Variants in MEI1 observed in about 807,000 individuals in gnomAD.
MEI1 encodes meiosis inhibitor protein 1.
In MEI1, 103 loss-of-function variants were observed where a neutral mutation model predicts 146.2. The observed-to-expected ratio is 0.70, with a 90% CI of 0.60 to 0.83. The LOEUF is 0.83. MEI1 is among the 40% of genes least tolerant of loss of function. The pLI, the probability that MEI1 is intolerant of heterozygous loss-of-function variation, is 0.00. For missense variants in MEI1, 1,529 were observed against 1,533.0 expected, an observed-to-expected ratio of 1.00 and a Z score of 0.04; for synonymous variants, 652 against 628.2, an observed-to-expected ratio of 1.04 and a Z score of -0.57.
chr22:41,712,458 A>G (rs1471772184), intron 3 of MEI1, among the ~76,000 whole-genome samples: 1 of 151,268 alleles, frequency 6.6e-6, no homozygotes, highest in Non-Finnish European at 1.5e-5. Flanking sequence ...GATGGTCTTG[A>G]TCTCCTGACC....
At chr22:41,755,363 A>G (rs1245134194) in intron 17 of MEI1, among the ~76,000 whole-genome samples, 2 of 152,144 alleles carry the variant, frequency 1.3e-5, no homozygotes, top group Non-Finnish European at 2.9e-5. Context: ...CCCAGACATC[A>G]TGCTGAGAGG....
intron 3 of MEI1, among the ~76,000 whole-genome samples, chr22:41,710,536 G>A (rs979077374): frequency 6.6e-6 from 1 of 152,152 alleles, no homozygotes; most frequent in Non-Finnish European, 1.5e-5. Flanking sequence ...TTTCAGAGTG[G>A]TGTCTTTCAG....
chr22:41,795,595 C>T lies in MEI1; in HGVS notation c.3666+53C>T. 6.2e-7 allele frequency: 1 copy of T among 1,609,678 alleles called. No individual in the cohort carries two copies. Among genetic ancestry groups the T allele is most frequent in the Non-Finnish European group, 8.5e-7 (1 of 1,177,206 alleles). Reference sequence around the variant, plus strand: ...CACTGTAAAGCTAGACCCTCAACACCATCTTCTCTTGGAGGGTGGGAGCTC... The same window carrying T: ...CACTGTAAAGCTAGACCCTCAACACTATCTTCTCTTGGAGGGTGGGAGCTC... On this transcript the variant is annotated intron_variant, in intron 29 of 30. Transcript: ENST00000401548. The surrounding 1 kb of genome is among the most constrained non-coding windows in gnomAD (Gnocchi z 4.2).
chr22:41,797,711 T>C (rs930796127), intron 30 of MEI1, among the ~76,000 whole-genome samples: 1 of 152,166 alleles, frequency 6.6e-6, no homozygotes, highest in Non-Finnish European at 1.5e-5. Context: ...CATATCTCAT[T>C]ATTATAGGCA....
chr22:41,699,945 G>C (rs114587044), intron 1 of MEI1, among the ~76,000 whole-genome samples: 2,566 of 152,304 alleles, frequency 0.017, 81 homozygotes, highest in African/African-American at 0.057. Context: ...CTGGCTCTGC[G>C]CCTGAAAGGA....
chr22:41,763,210 A>G lies in MEI1; in HGVS notation c.2157A>G (p.Gln719=), dbSNP rs1275961442. 1 of 1,613,792 alleles carries G rather than the reference A, an allele frequency of 6.2e-7. No individual in the cohort carries two copies. ...VSEAELFEAV[Q]SFLLSLQDQG... The stretch of plus-strand genomic sequence containing the variant: ...AGGCAGAGTTATTTGAGGCTGTGCA[A>G]AGCTTCCTCCTGTCGCTGCAGGACC... The change falls in exon 19 of 31, where the codon CAA becomes CAG. Residue 719 remains glutamine, a synonymous_variant. Transcript: ENST00000401548.
chr22:41,753,996 G>T lies in MEI1; in HGVS notation c.1901G>T (p.Cys634Phe). ...QVCSNFLYYM[C>F]LNLLSAPEKT... is the part of the protein sequence containing the mutation. ...TGTTCCAATTTCCTCTACTATATGT[G>T]CCTCAACCTTCTCTCAGCTCCAGAG... Residue 634 changes from cysteine (C) to phenylalanine (F), a missense_variant, in exon 17 of 31, where the codon TGC becomes TTC. By Grantham distance (205) the Cys-to-Phe change is radical. Coordinates refer to ENST00000401548, the MANE Select transcript of MEI1 (RefSeq NM_152513.4). 6.2e-7 allele frequency: 1 copy of T among 1,613,716 alleles called. No homozygotes were observed. The highest frequency in any genetic ancestry group is 8.5e-7 in the Non-Finnish European group (1 of 1,179,730).
chr22:41,765,818 A>C (rs2074808937), intron 19 of MEI1, among the ~76,000 whole-genome samples: 1 of 151,982 alleles, frequency 6.6e-6, no homozygotes, highest in Non-Finnish European at 1.5e-5. Context: ...AAGAAATTTA[A>C]CATTGTATAT....
chr22:41,763,293 G>A lies in MEI1; in HGVS notation c.2240G>A (p.Cys747Tyr), dbSNP rs199633553. The change falls in exon 19 of 31, where the codon TGC (cysteine) becomes TAC (tyrosine). Residue 747 changes from cysteine to tyrosine, a missense_variant. Cys to Tyr is a radical substitution (Grantham distance 194). Around this residue, in one of 3 missense-constraint regions of MEI1, gnomAD observed 1,212 missense variants for 1,178.9 expected, o/e 1.03. Coordinates refer to ENST00000401548, the MANE Select transcript of MEI1 (RefSeq NM_152513.4). ...FKASIYLLAI[C>Y]QDKDNTLRET... ...GCCTCCATCTATCTGCTTGCAATCT[G>A]CCAGGACAAAGACAATACACTACGT... 1 of 1,613,908 alleles carries A rather than the reference G, an allele frequency of 6.2e-7. No individual in the cohort carries two copies. The highest frequency in any genetic ancestry group is 1.1e-5 in the South Asian group (1 of 91,072).
In MEI1 at chr22:41,771,537, G is replaced by A. The variant is rs528482235; in HGVS notation, c.2544+576G>A. ...TGCAACCTCCACCTCCCGGGTTCAC[G>A]CAATTCTCCTGCCTCAGCCTCCCGA... On this transcript the variant is annotated intron_variant, in intron 20 of 30. Transcript: ENST00000401548. 5.3e-5 allele frequency among the ~76,000 whole-genome samples: 8 copies of A among 152,128 alleles called. No individual in the cohort carries two copies. In the East Asian group the frequency reaches 5.8e-4, roughly 11 times the overall value.
chr22:41,797,455 T>TA (rs2076403019), intron 30 of MEI1, among the ~76,000 whole-genome samples: 3 of 152,016 alleles, frequency 2.0e-5, no homozygotes, highest in African/African-American at 7.2e-5. Flanking sequence ...CTACTAAAAA[T>TA]ACAAAAATTA....
chr22:41,730,534 G>A lies in MEI1; in HGVS notation c.993G>A (p.Glu331=), dbSNP rs1230953684. The change falls in exon 9 of 31, where the codon GAG becomes GAA. Residue 331 remains glutamate, a synonymous_variant. Coordinates refer to ENST00000401548, the MANE Select transcript of MEI1 (RefSeq NM_152513.4). ...IHADIPEFLF[E]HLSSSSEVLV... ...CTCCCTTGTTAGAGTTCCTCTTTGA[G>A]CATCTTTCTTCTTCCAGTGAAGTGC... The A allele has an allele frequency of 6.2e-7, 1 of 1,612,806 alleles. No homozygotes were observed. The highest frequency in any genetic ancestry group is 1.1e-5 in the South Asian group (1 of 91,050).
intron 23 of MEI1, 67 bp downstream of exon 23, chr22:41,781,461 T>C: frequency 1.5e-6 from 2 of 1,369,604 alleles, no homozygotes; most frequent in South Asian, 2.5e-5. Flanking sequence ...ATCTCAACTT[T>C]TTCATCTTAA....
chr22:41,710,440 C>T (rs1425267630), intron 3 of MEI1, among the ~76,000 whole-genome samples: 3 of 152,132 alleles, frequency 2.0e-5, no homozygotes, highest in African/African-American at 2.4e-5. Context: ...GATTCTCTGA[C>T]CCATGTATTC....
rs962289436 is a variant in MEI1, at chr22:41,737,322, C to T, written c.1331+4719C>T. On this transcript the variant is annotated intron_variant, in intron 11 of 30. Transcript: ENST00000401548. ...CGCGATCTCGGCTCACTGCAAGCTC[C>T]GCCTCCTGGATTCACGCCATTCTCC... 4.0e-5 allele frequency among the ~76,000 whole-genome samples: 6 copies of T among 150,320 alleles called. No individual in the cohort carries two copies. In the East Asian group the frequency reaches 5.9e-4, roughly 15 times the overall value.
intron 4 of MEI1, among the ~76,000 whole-genome samples, chr22:41,715,023 T>C (rs1454831349): frequency 6.6e-6 from 1 of 152,248 alleles, no homozygotes; most frequent in East Asian, 1.9e-4. Context: ...TCATTATAAA[T>C]TATATTTCAA....
intron 7 of MEI1, among the ~76,000 whole-genome samples, chr22:41,724,346 G>A (rs1047123893): frequency 2.0e-5 from 3 of 152,120 alleles, no homozygotes; most frequent in Non-Finnish European, 2.9e-5. Flanking sequence ...AAAGTTGGGC[G>A]TGGTGGCTCA....
At chr22:41,755,280 C>T (rs2074019457) in intron 17 of MEI1, among the ~76,000 whole-genome samples, 2 of 152,084 alleles carry the variant, frequency 1.3e-5, no homozygotes, top group African/African-American at 4.8e-5. Flanking sequence ...TGGCTCTTTT[C>T]CCCCTTATTA....
chr22:41,781,676 C>G lies in MEI1; in HGVS notation c.2927-9C>G. The G allele has an allele frequency of 1.1e-5, 17 of 1,611,742 alleles. No individual in the cohort carries two copies. Among genetic ancestry groups the G allele is most frequent in the Non-Finnish European group, 1.4e-5 (17 of 1,179,052 alleles). ...CTCCTGTGGGCCCTGCCTTGCCCAC[C>G]CCCGACAGCTGCTGCAGTGCTCCTG... On this transcript the variant is annotated splice_polypyrimidine_tract_variant and intron_variant, in intron 23 of 30. Transcript: ENST00000401548.
Sources: gnomAD v4.1 joint callset for allele counts (sites outside exome capture counted in the v4.1 genomes callset) on GRCh38, gnomAD v4.1.1 for gene constraint, gnomAD v4.1.1 regional missense constraint, Gnocchi (gnomAD v3.1) non-coding constraint, MANE v1.5 for transcripts, NCBI Gene and HGNC (gene_info 2026-07-23, HGNC 2026-07-21) for gene names.